PLCL1: variants seen among roughly 807,000 people sequenced by gnomAD.
PLCL1 encodes the protein phospholipase C like 1 (inactive), also known as inactive phospholipase C-like protein 1.
Under a neutral mutation model 84.4 loss-of-function variants are expected in PLCL1, and 41 were observed. The observed-to-expected ratio is 0.49, with a 90% CI of 0.38 to 0.63. The LOEUF (loss-of-function observed/expected upper bound fraction) is 0.63, where lower values mean the gene tolerates loss of function less well. Ranked by LOEUF, PLCL1 falls within the 30% of genes least tolerant of loss-of-function variation. The pLI is 0.00. For synonymous variants in PLCL1, 490 were observed against 488.3 expected (o/e 1.00, Z -0.05); for missense variants, 1,206 against 1,367.8 (o/e 0.88, Z 1.87).
chr2:197,980,327 A>G (rs1690076747), intron 1 of PLCL1, among the ~76,000 whole-genome samples: 2 of 152,190 alleles, frequency 1.3e-5, no homozygotes, highest in South Asian at 4.1e-4. Flanking sequence ...AGCGGAGATT[A>G]AGTTAAGTTT....
At position 197,874,384 on chromosome 2, in the gene PLCL1, T is replaced by C. The variant is rs12478261; in HGVS notation, c.240+69045T>C. ...AATATGTAGATAAACAAAAAGAAAATAAAAATAATTAATAATCTCATCATC... is the reference window on the plus strand; with the variant it reads ...AATATGTAGATAAACAAAAAGAAAACAAAAATAATTAATAATCTCATCATC... On this transcript the variant is annotated intron_variant, in intron 1 of 5. Coordinates refer to ENST00000428675, the MANE Select transcript of PLCL1 (RefSeq NM_006226.4). Among the ~76,000 whole-genome samples, 392 of 152,150 alleles carry C rather than the reference T, an allele frequency of 2.6e-3. 7 individuals are homozygous for C. The highest frequency in any genetic ancestry group is 0.018 in the East Asian group (94 of 5,188).
chr2:197,826,689 G>A (rs1690935719), intron 1 of PLCL1, among the ~76,000 whole-genome samples: 1 of 152,032 alleles, frequency 6.6e-6, no homozygotes, highest in East Asian at 1.9e-4. Flanking sequence ...ATAGAGATTC[G>A]AAGGTGAGGC....
intron 5 of PLCL1, among the ~76,000 whole-genome samples, chr2:198,132,463 G>A (rs1694142773): frequency 6.6e-6 from 1 of 151,808 alleles, no homozygotes; most frequent in African/African-American, 2.4e-5. Flanking sequence ...TTTTGGGGGG[G>A]GGAGTCCACA....
intron 1 of PLCL1, among the ~76,000 whole-genome samples, chr2:198,056,696 A>G (rs1692080939): frequency 6.6e-6 from 1 of 152,038 alleles, no homozygotes. Flanking sequence ...TTTTTGCACT[A>G]TTTTCTTTTG....
chr2:198,102,643 T>C (rs898322258), intron 4 of PLCL1, among the ~76,000 whole-genome samples: 4 of 152,106 alleles, frequency 2.6e-5, no homozygotes, highest in Admixed American at 2.6e-4. Context: ...CTGGATGCCA[T>C]CTTTAAAGAA....
At chr2:198,026,914 G>A (rs1043408913) in intron 1 of PLCL1, among the ~76,000 whole-genome samples, 1 of 152,154 alleles carries the variant, frequency 6.6e-6, no homozygotes, top group African/African-American at 2.4e-5. Context: ...CACACTGCTG[G>A]TGGGAATGTA....
chr2:198,148,764 T>C lies in PLCL1; in HGVS notation c.*1802T>C, dbSNP rs978565709. 2.0e-5 allele frequency: 3 copies of C among 152,322 alleles called. No homozygotes were observed. The highest frequency in any genetic ancestry group is 2.0e-4 in the Admixed American group (3 of 15,274). 9.4% of individuals were successfully genotyped at this position (152,322 alleles called of 1,614,324 possible). A position where few individuals can be genotyped will look rare whatever the true frequency, so the allele number is the denominator to read the frequency against. Reference sequence around the variant, plus strand: ...TTGATTTTACTAGTGTACCTCTTCATCTACTTGAATTCTATTTGGTAAATC... The same window carrying C: ...TTGATTTTACTAGTGTACCTCTTCACCTACTTGAATTCTATTTGGTAAATC... On this transcript the variant is annotated 3_prime_UTR_variant, in exon 6 of 6. Coordinates refer to ENST00000428675, the MANE Select transcript of PLCL1 (RefSeq NM_006226.4).
chr2:198,106,109 C>A (rs1348296028), intron 5 of PLCL1, among the ~76,000 whole-genome samples: 1 of 151,854 alleles, frequency 6.6e-6, no homozygotes, highest in African/African-American at 2.4e-5. Flanking sequence ...CGTTATTAAT[C>A]TCATTTTACA....
chr2:198,073,301 G>GGA (rs1359838256), intron 1 of PLCL1, among the ~76,000 whole-genome samples: 1 of 152,140 alleles, frequency 6.6e-6, no homozygotes, highest in African/African-American at 2.4e-5. Flanking sequence ...TGGGGGTGAG[G>GGA]GAGAGTTCAC....
At chr2:197,943,522 T>C (rs1689206462) in intron 1 of PLCL1, among the ~76,000 whole-genome samples, 1 of 152,112 alleles carries the variant, frequency 6.6e-6, no homozygotes, top group Admixed American at 6.5e-5. Context: ...CAATTTACTT[T>C]CTATAGGATA....
intron 1 of PLCL1, among the ~76,000 whole-genome samples, chr2:197,945,141 T>C (rs1689246385): frequency 6.6e-6 from 1 of 152,228 alleles, no homozygotes; most frequent in African/African-American, 2.4e-5. Flanking sequence ...TTTTTGACCT[T>C]GCTATATAGA....
intron 1 of PLCL1, among the ~76,000 whole-genome samples, chr2:197,938,324 T>C (rs1425093398): frequency 2.0e-5 from 3 of 152,218 alleles, no homozygotes; most frequent in Admixed American, 6.5e-5. Context: ...TGAACTTCTA[T>C]AGTAACCTCC....
chr2:198,022,757 A>G (rs888605805), intron 1 of PLCL1, among the ~76,000 whole-genome samples: 1 of 152,228 alleles, frequency 6.6e-6, no homozygotes, highest in Non-Finnish European at 1.5e-5. Flanking sequence ...GAGAACACAA[A>G]CAAATAGAAA....
At chr2:197,809,613 C>T (rs541881975) in intron 1 of PLCL1, among the ~76,000 whole-genome samples, 3 of 152,248 alleles carry the variant, frequency 2.0e-5, no homozygotes, top group South Asian at 2.1e-4. Context: ...TTCTGCTTGG[C>T]GTCAATATAT....
intron 4 of PLCL1, among the ~76,000 whole-genome samples, chr2:198,102,770 G>A (rs1287073471): frequency 6.6e-6 from 1 of 152,080 alleles, no homozygotes; most frequent in Non-Finnish European, 1.5e-5. Context: ...AAAGAGTTTA[G>A]ACCTTTTTGG....
At chr2:198,116,650 A>G (rs1693754840) in intron 5 of PLCL1, among the ~76,000 whole-genome samples, 1 of 151,928 alleles carries the variant, frequency 6.6e-6, no homozygotes, top group Non-Finnish European at 1.5e-5. Context: ...TAACTTCCAG[A>G]AAGAAAAGAC....
At chr2:197,983,225 T>C (rs1244700322) in intron 1 of PLCL1, among the ~76,000 whole-genome samples, 9 of 79,236 alleles carry the variant, frequency 1.1e-4, no homozygotes, top group East Asian at 8.3e-4. Flanking sequence ...TTTTTTTTTT[T>C]TTTTTTTTTT....
chr2:198,027,349 G>A (rs1691294174), intron 1 of PLCL1, among the ~76,000 whole-genome samples: 1 of 152,130 alleles, frequency 6.6e-6, no homozygotes, highest in South Asian at 2.1e-4. Flanking sequence ...CTAGGAGCTG[G>A]GGGAATGGAG....
chr2:197,998,187 G>GTGTGTGTGTGTGTGTGTT (rs1553509365), intron 1 of PLCL1, among the ~76,000 whole-genome samples: 4 of 143,060 alleles, frequency 2.8e-5, no homozygotes, highest in African/African-American at 6.0e-5. Flanking sequence ...GTGTGTGTGT[G>GTGTGTGTGTGTGTGTGTT]TGTGTGTGTG....
Sources: gnomAD v4.1 joint callset for allele counts (sites outside exome capture counted in the v4.1 genomes callset) on GRCh38, gnomAD v4.1.1 for gene constraint, MANE v1.5 for transcripts, NCBI Gene and HGNC (gene_info 2026-07-23, HGNC 2026-07-21) for gene names.